The following OGA variants were observed in gnomAD, a reference collection of about 807,000 sequenced individuals.
OGA encodes O-GlcNAcase, also known as protein O-GlcNAcase.
A neutral mutation model predicts 102.0 loss-of-function variants in OGA; 21 were observed. The observed-to-expected ratio is 0.21, with a 90% CI of 0.15 to 0.30. OGA has a LOEUF of 0.30. Ranked by LOEUF, OGA falls within the 10% of genes least tolerant of loss-of-function variation. The pLI is 1.00. For missense variants in OGA, 765 were observed against 1,107.8 expected (o/e 0.69, Z 4.39); for synonymous variants, 408 against 378.2 (o/e 1.08, Z -0.91).
At chr10:101,805,311 T>C (rs2065453513) in intron 6 of OGA, among the ~76,000 whole-genome samples, 1 of 152,154 alleles carries the variant, frequency 6.6e-6, no homozygotes, top group African/African-American at 2.4e-5. Flanking sequence ...TGATAGATGT[T>C]TTTTCATATT....
At chr10:101,814,012 T>C (rs1022140773) in intron 1 of OGA, among the ~76,000 whole-genome samples, 8 of 152,124 alleles carry the variant, frequency 5.3e-5, no homozygotes, top group African/African-American at 1.9e-4. Flanking sequence ...CTTCCTAGAA[T>C]GATAGTAAAA....
intron 3 of OGA, among the ~76,000 whole-genome samples, chr10:101,811,529 C>A (rs1432278770): frequency 1.3e-5 from 2 of 151,324 alleles, no homozygotes; most frequent in Non-Finnish European, 2.9e-5. Flanking sequence ...ATGGCAAACC[C>A]CTCTCTCTAC....
At chr10:101,806,224 C>T (rs559960009) in intron 5 of OGA, 81 bp from the exon 6 acceptor site, 24 of 871,760 alleles carry the variant, frequency 2.8e-5, no homozygotes, top group Middle Eastern at 2.3e-4. Flanking sequence ...TTCTTTGAGA[C>T]GGAGTCTCAC....
chr10:101,816,665 G>T (rs762917115), intron 1 of OGA, among the ~76,000 whole-genome samples: 3 of 152,176 alleles, frequency 2.0e-5, no homozygotes, highest in Non-Finnish European at 4.4e-5. Context: ...CTATATAGCA[G>T]TTTTCCATTC....
In OGA at chr10:101,810,268, C is replaced by T; in HGVS notation, c.396G>A (p.Glu132=). ...ATCCAGGTGAGATCGCATAGATGAA[C>T]TCTATCTCATATTCTCGTGCAGCAG... ...LISAAREYEI[E]FIYAISPGLD... Residue 132 remains glutamate (E), a synonymous_variant, in exon 4 of 16, where the codon GAG becomes GAA. Transcript: ENST00000361464. 1.9e-6 allele frequency: 3 copies of T among 1,611,800 alleles called. No homozygotes were observed. Among genetic ancestry groups the T allele is most frequent in the Non-Finnish European group, 2.5e-6 (3 of 1,178,004 alleles).
At chr10:101,806,761 A>T (rs749680259) in intron 5 of OGA, among the ~76,000 whole-genome samples, 1 of 152,176 alleles carries the variant, frequency 6.6e-6, no homozygotes, top group Non-Finnish European at 1.5e-5. Context: ...ATAATATCAT[A>T]ATAGAACTAA....
chr10:101,796,673 C>G (rs1346553300), intron 10 of OGA, among the ~76,000 whole-genome samples: 2 of 151,842 alleles, frequency 1.3e-5, no homozygotes. Context: ...TGAGTTCAAG[C>G]AATTCTCCTG....
At chr10:101,800,779 T>TTC (rs1273035573) in intron 7 of OGA, among the ~76,000 whole-genome samples, 4 of 145,626 alleles carry the variant, frequency 2.7e-5, no homozygotes, top group Admixed American at 6.9e-5. Context: ...TTCTTTTTTT[T>TTC]TTTTTTTTTT....
At position 101,799,295 on chromosome 10, in the gene OGA, G is replaced by T; in HGVS notation, c.1356C>A (p.Thr452=). The change falls in exon 9 of 16, where the codon ACC becomes ACA. Residue 452 remains threonine (T), a synonymous_variant. Coordinates refer to ENST00000361464, the MANE Select transcript of OGA (RefSeq NM_012215.5). ...CAGGCTGTTTCTTTTCTTCTTCCTTGGTCAGAGTAGTAGGCTCACCACTCA... is the reference window on the plus strand; with the variant it reads ...CAGGCTGTTTCTTTTCTTCTTCCTTTGTCAGAGTAGTAGGCTCACCACTCA... The part of the protein sequence containing the change: ...AALSGEPTTL[T]KEEEKKQPDE... The T allele has an allele frequency of 6.2e-7, 1 of 1,613,924 alleles. No individual in the cohort carries two copies. Among genetic ancestry groups the T allele is most frequent in the Non-Finnish European group, 8.5e-7 (1 of 1,179,980 alleles).
intron 3 of OGA, among the ~76,000 whole-genome samples, chr10:101,811,774 T>A (rs2065561873): frequency 6.6e-6 from 1 of 152,220 alleles, no homozygotes; most frequent in South Asian, 2.1e-4. Flanking sequence ...GGGAAAAACA[T>A]TAATTATAGA....
chr10:101,813,115 C>T lies in OGA; in HGVS notation c.264G>A (p.Trp88Ter). The T allele has an allele frequency of 6.2e-7, 1 of 1,607,792 alleles. No homozygotes were observed. The highest frequency in any genetic ancestry group is 1.7e-5 in the Admixed American group (1 of 58,978). Residue 88 changes from tryptophan (W) to a stop codon, truncating the protein, a stop_gained, in exon 3 of 16, where the codon TGG becomes TGA. Transcript: ENST00000361464. LOFTEE classifies it high-confidence loss of function. ...RKELFRRLQK[W>*]ELNTYLYAPK... Reference sequence around the variant, plus strand: ...GGGCATACAAGTATGTATTTAATTCCCATTTCTGGAGCCTTAAGGAGAAAG... The same window carrying T: ...GGGCATACAAGTATGTATTTAATTCTCATTTCTGGAGCCTTAAGGAGAAAG...
intron 14 of OGA, among the ~76,000 whole-genome samples, chr10:101,788,421 GAAAAAAAAAAAA>G (rs767434249): frequency 9.8e-6 from 1 of 102,290 alleles, no homozygotes; most frequent in Non-Finnish European, 2.0e-5. Flanking sequence ...CCTGGGCGGG[GAAAAAAAAAAAA>G]AAAAAAAAAA....
Position 101,806,046 on chromosome 10 carries a change from T to C in OGA, c.750A>G (p.Thr250=). 6.3e-7 allele frequency: 1 copy of C among 1,588,178 alleles called. No individual in the cohort carries two copies. Among genetic ancestry groups the C allele is most frequent in the Non-Finnish European group, 8.6e-7 (1 of 1,156,418 alleles). ...CTGTATAAATCTTAAAAGACTTACC[T>C]GTCCAAAGCACTTCAATTCCAGGTA... The part of the protein sequence containing the change: ...KLLPGIEVLW[T]GPKVVSKEIP... The change falls in exon 6 of 16, where the codon ACA becomes ACG. Residue 250 remains threonine, a splice_region_variant and synonymous_variant. Coordinates refer to ENST00000361464, the MANE Select transcript of OGA (RefSeq NM_012215.5).
intron 14 of OGA, 121 bp downstream of exon 14, chr10:101,790,775 G>T: frequency 1.5e-6 from 1 of 669,214 alleles, no homozygotes. Flanking sequence ...AATTTAGAAA[G>T]CACTAAGATT....
chr10:101,794,437 C>T (rs1412526884), intron 10 of OGA, among the ~76,000 whole-genome samples: 2 of 152,030 alleles, frequency 1.3e-5, no homozygotes, highest in Admixed American at 1.3e-4. Context: ...AGGAAGGGTA[C>T]AGGTAAGGGA....
At chr10:101,813,680 A>G in intron 1 of OGA, 74 bp from the exon 2 acceptor site, 1 of 863,374 alleles carries the variant, frequency 1.2e-6, no homozygotes, top group Non-Finnish European at 1.9e-6. Flanking sequence ...AGCAAGTTAC[A>G]AAACATATAA....
At chr10:101,788,384 G>C (rs890913077) in intron 14 of OGA, among the ~76,000 whole-genome samples, 1 of 146,598 alleles carries the variant, frequency 6.8e-6, no homozygotes, top group Admixed American at 6.8e-5. Context: ...GGTTGCAGTA[G>C]GCTGAGATCC....
intron 4 of OGA, among the ~76,000 whole-genome samples, chr10:101,809,835 A>G (rs976570992): frequency 2.6e-5 from 4 of 152,098 alleles, no homozygotes; most frequent in Non-Finnish European, 5.9e-5. Flanking sequence ...TGAGGTGAGC[A>G]GTTCGAGACC....
intron 1 of OGA, 125 bp from the exon 2 acceptor site, chr10:101,813,731 G>A (rs1174147159): frequency 1.7e-5 from 8 of 483,678 alleles, no homozygotes; most frequent in Non-Finnish European, 2.6e-5. Flanking sequence ...ACACCAAATC[G>A]GAAGGATATT....
Sources: gnomAD v4.1 joint callset for allele counts (sites outside exome capture counted in the v4.1 genomes callset) on GRCh38, gnomAD v4.1.1 for gene constraint, MANE v1.5 for transcripts, NCBI Gene and HGNC (gene_info 2026-07-23, HGNC 2026-07-21) for gene names.